STAG1: variants seen among roughly 807,000 people sequenced by gnomAD.
STAG1 encodes the protein STAG1 cohesin complex component, also known as cohesin subunit SA-1.
Under a neutral mutation model 170.9 loss-of-function variants are expected in STAG1, and 26 were observed. That is an observed-to-expected ratio of 0.15 (90% CI 0.11 to 0.21). STAG1 has a LOEUF of 0.21. STAG1 is among the 10% of genes least tolerant of loss of function. The pLI is 1.00. For missense variants in STAG1, 964 were observed against 1,509.5 expected (o/e 0.64, Z 5.99); for synonymous variants, 514 against 497.7 (o/e 1.03, Z -0.44).
At chr3:136,580,113 G>A (rs369693894) in intron 4 of STAG1, among the ~76,000 whole-genome samples, 33 of 151,710 alleles carry the variant, frequency 2.2e-4, no homozygotes, top group East Asian at 1.2e-3. Flanking sequence ...GACTACAGGC[G>A]TGCACCACCA....
At chr3:136,611,544 G>A (rs112473631) in intron 3 of STAG1, among the ~76,000 whole-genome samples, 103 of 151,494 alleles carry the variant, frequency 6.8e-4, no homozygotes, top group African/African-American at 2.4e-3. Flanking sequence ...CACCCAGGCC[G>A]GAGTACAGTG....
At chr3:136,548,622 T>C (rs1936258767) in intron 5 of STAG1, among the ~76,000 whole-genome samples, 2 of 152,244 alleles carry the variant, frequency 1.3e-5, no homozygotes, top group African/African-American at 4.8e-5. Context: ...TTAGGCAGTA[T>C]GGACATTTTA....
chr3:136,600,555 G>T (rs1023426162), intron 4 of STAG1, among the ~76,000 whole-genome samples: 2 of 151,946 alleles, frequency 1.3e-5, no homozygotes, highest in African/African-American at 4.8e-5. Flanking sequence ...TTTTTGAGAC[G>T]GAGTCTCGCT....
intron 5 of STAG1, among the ~76,000 whole-genome samples, chr3:136,554,805 G>A (rs902014331): frequency 2.0e-5 from 3 of 151,968 alleles, no homozygotes; most frequent in African/African-American, 7.2e-5. Context: ...TGAGGTGGGA[G>A]GATCATTTCT....
chr3:136,751,809 G>T (rs1294584752), intron 1 of STAG1, among the ~76,000 whole-genome samples: 10 of 54,506 alleles, frequency 1.8e-4, no homozygotes, highest in Non-Finnish European at 1.1e-4. Context: ...GAGCCCGGGC[G>T]GGGGGGGGCG....
In STAG1 at chr3:136,443,480, C is replaced by A. The variant is rs142597744; in HGVS notation, c.1429-76G>T. 7,017 of 1,001,652 alleles carry A rather than the reference C, an allele frequency of 7.0e-3. 30 individuals carry two copies. Among genetic ancestry groups the A allele is most frequent in the Middle Eastern group, 0.024 (113 of 4,726 alleles). 62.0% of individuals were successfully genotyped at this position (1,001,652 alleles called of 1,614,324 possible). A position where few individuals can be genotyped will look rare whatever the true frequency, so the allele number is the denominator to read the frequency against. On this transcript the variant is annotated intron_variant, in intron 14 of 33. Coordinates refer to ENST00000383202, the MANE Select transcript of STAG1 (RefSeq NM_005862.3). ...CTAATACTAATTTGAGTTAAGAAAT[C>A]ATTTTCTTCATAATTAAAATGGCTT...
intron 1 of STAG1, among the ~76,000 whole-genome samples, chr3:136,698,238 T>C (rs1942955338): frequency 6.6e-6 from 1 of 151,888 alleles, no homozygotes. Context: ...TGGGAGAAAA[T>C]ATTCACAAAC....
chr3:136,743,877 CA>C (rs1488624092), intron 1 of STAG1, among the ~76,000 whole-genome samples: 5 of 152,148 alleles, frequency 3.3e-5, no homozygotes, highest in Non-Finnish European at 7.3e-5. Context: ...ACACTGTGAC[CA>C]AGTTGGCTTA....
At chr3:136,582,857 AACC>A (rs1937621325) in intron 4 of STAG1, among the ~76,000 whole-genome samples, 1 of 152,196 alleles carries the variant, frequency 6.6e-6, no homozygotes, top group South Asian at 2.1e-4. Flanking sequence ...TTATTTCATG[AACC>A]AGCAAATCTC....
At chr3:136,660,172 G>A (rs1350938368) in intron 1 of STAG1, among the ~76,000 whole-genome samples, 3 of 152,102 alleles carry the variant, frequency 2.0e-5, no homozygotes, top group African/African-American at 7.2e-5. Context: ...TCATTCTTTT[G>A]GCAATTCATT....
chr3:136,514,750 A>G (rs889042417), intron 7 of STAG1, among the ~76,000 whole-genome samples: 1 of 152,230 alleles, frequency 6.6e-6, no homozygotes, highest in Non-Finnish European at 1.5e-5. Flanking sequence ...GGATGAGTTC[A>G]CGTCCTTTGC....
At position 136,491,667 on chromosome 3, in the gene STAG1, G is replaced by T. The variant is rs151264605; in HGVS notation, c.902+8556C>A. ...TCTGGTCTCCATACTTACTGTAAAT[G>T]ATTACTTAGATCTAGCAGCATACAG... On this transcript the variant is annotated intron_variant, in intron 9 of 33. Coordinates refer to ENST00000383202, the MANE Select transcript of STAG1 (RefSeq NM_005862.3). 7.9e-5 allele frequency among the ~76,000 whole-genome samples: 12 copies of T among 152,244 alleles called. No individual in the cohort carries two copies. The East Asian group carries it at 2.3e-3, about 29-fold the overall frequency.
At chr3:136,373,716 G>A (rs532490786) in intron 23 of STAG1, among the ~76,000 whole-genome samples, 32 of 152,256 alleles carry the variant, frequency 2.1e-4, no homozygotes, top group African/African-American at 7.2e-4. Context: ...CTGAGAGACA[G>A]TTTGTTATAA....
chr3:136,624,551 G>A (rs1398868420), intron 2 of STAG1, among the ~76,000 whole-genome samples: 1 of 152,166 alleles, frequency 6.6e-6, no homozygotes, highest in Non-Finnish European at 1.5e-5. Context: ...TCAATGGTGT[G>A]AGCAACTTCT....
intron 1 of STAG1, among the ~76,000 whole-genome samples, chr3:136,742,980 G>A (rs1446782135): frequency 6.6e-6 from 1 of 152,102 alleles, no homozygotes; most frequent in Non-Finnish European, 1.5e-5. Context: ...TTAAAAAGCA[G>A]AAACCAATGA....
At chr3:136,502,351 A>G (rs1172606392) in intron 8 of STAG1, among the ~76,000 whole-genome samples, 1 of 151,962 alleles carries the variant, frequency 6.6e-6, no homozygotes, top group African/African-American at 2.4e-5. Context: ...AGTATTTATC[A>G]TACTTTTTGA....
chr3:136,374,342 G>T (rs1937505181), intron 23 of STAG1, among the ~76,000 whole-genome samples: 1 of 152,152 alleles, frequency 6.6e-6, no homozygotes, highest in African/African-American at 2.4e-5. Flanking sequence ...TTTTGGCCAG[G>T]CACGGTGGCT....
chr3:136,532,075 AAAATG>A lies in STAG1; in HGVS notation c.471+10039_471+10043del, dbSNP rs1291777295. ...ACTAAAAAAAATACAACGGATCAAT[AAAATG>A]AAAAGATAAAACTGATAAACCACTA... On this transcript the variant is annotated intron_variant, in intron 6 of 33. Coordinates refer to ENST00000383202, the MANE Select transcript of STAG1 (RefSeq NM_005862.3). Among the ~76,000 whole-genome samples, 3 of 152,276 alleles carry A rather than the reference AAAATG, an allele frequency of 2.0e-5. No individual in the cohort carries two copies. The South Asian group carries it at 6.2e-4, about 32-fold the overall frequency.
intron 23 of STAG1, among the ~76,000 whole-genome samples, chr3:136,372,384 T>C (rs927387538): frequency 2.0e-5 from 3 of 152,214 alleles, no homozygotes; most frequent in East Asian, 1.9e-4. Context: ...TCCAACACTA[T>C]ACTGAATAGG....
Sources: gnomAD v4.1 joint callset for allele counts (sites outside exome capture counted in the v4.1 genomes callset) on GRCh38, gnomAD v4.1.1 for gene constraint, MANE v1.5 for transcripts, NCBI Gene and HGNC (gene_info 2026-07-23, HGNC 2026-07-21) for gene names.